The following SHANK2 variants were observed in gnomAD, a reference collection of about 807,000 sequenced individuals.
SHANK2 encodes the protein SH3 and multiple ankyrin repeat domains protein 2.
A neutral mutation model predicts 133.7 loss-of-function variants in SHANK2; 43 were observed. The ratio of observed to expected loss-of-function variants is 0.32; its 90% CI spans 0.25 to 0.41. The LOEUF is 0.41. Ranked by LOEUF, SHANK2 falls within the 10% of genes least tolerant of loss-of-function variation. SHANK2 has a pLI of 1.00. For missense variants in SHANK2, 1,994 were observed against 2,235.8 expected (o/e 0.89, Z 2.18); for synonymous variants, 1,017 against 952.8 (o/e 1.07, Z -1.24).
intron 17 of SHANK2, among the ~76,000 whole-genome samples, chr11:70,623,478 C>T (rs551954390): frequency 9.2e-5 from 14 of 152,306 alleles, no homozygotes; most frequent in East Asian, 1.9e-4. Flanking sequence ...CCGAAGGCTG[C>T]GCCCCCACAG....
At chr11:70,876,233 CACACATATAG>C (rs1274947870) in intron 11 of SHANK2, among the ~76,000 whole-genome samples, 4 of 4,248 alleles carry the variant, frequency 9.4e-4, no homozygotes, top group Non-Finnish European at 4.4e-3. Context: ...AATACACACA[CACACATATAG>C]ACACACACAC....
At chr11:70,899,312 C>T in intron 10 of SHANK2, among the ~76,000 whole-genome samples, 1 of 152,108 alleles carries the variant, frequency 6.6e-6, no homozygotes, top group Non-Finnish European at 1.5e-5. Flanking sequence ...TGGCATTTCC[C>T]CTGCTGACAC....
At chr11:71,108,797 TACC>T (rs1951841029) in intron 6 of SHANK2, among the ~76,000 whole-genome samples, 1 of 152,140 alleles carries the variant, frequency 6.6e-6, no homozygotes, top group African/African-American at 2.4e-5. Flanking sequence ...GCATCAAAGC[TACC>T]AGCAGCCACA....
intron 17 of SHANK2, among the ~76,000 whole-genome samples, chr11:70,581,901 C>A (rs2060189856): frequency 6.6e-6 from 1 of 152,218 alleles, no homozygotes; most frequent in Non-Finnish European, 1.5e-5. Context: ...ATTTAATGTC[C>A]TGTAGAGCAA....
At chr11:70,494,865 A>C (rs947987502) in intron 21 of SHANK2, among the ~76,000 whole-genome samples, 1 of 152,150 alleles carries the variant, frequency 6.6e-6, no homozygotes, top group African/African-American at 2.4e-5. Context: ...CCAGGCCTGC[A>C]GGCTCACTGG....
chr11:70,747,586 G>A (rs142967384), intron 14 of SHANK2, among the ~76,000 whole-genome samples: 4 of 152,236 alleles, frequency 2.6e-5, no homozygotes, highest in Non-Finnish European at 5.9e-5. Flanking sequence ...CCAGGCTTGC[G>A]TTGGAGATAG....
chr11:71,104,142 C>G (rs1045869722), intron 6 of SHANK2, among the ~76,000 whole-genome samples: 1 of 152,104 alleles, frequency 6.6e-6, no homozygotes, highest in African/African-American at 2.4e-5. Context: ...CTAATAGCAC[C>G]ACAACGCTCA....
At chr11:71,140,040 T>C (rs1252327839) in intron 3 of SHANK2, among the ~76,000 whole-genome samples, 2 of 152,212 alleles carry the variant, frequency 1.3e-5, no homozygotes, top group Non-Finnish European at 2.9e-5. Flanking sequence ...CGGCAGCTCC[T>C]GGCTGGCTCC....
At chr11:71,180,193 T>G (rs1315866506) in intron 2 of SHANK2, among the ~76,000 whole-genome samples, 1 of 152,236 alleles carries the variant, frequency 6.6e-6, no homozygotes, top group African/African-American at 2.4e-5. Flanking sequence ...GGCATCCTTA[T>G]TCCAGGTGTA....
intron 14 of SHANK2, among the ~76,000 whole-genome samples, chr11:70,727,574 C>T (rs543852526): frequency 3.5e-4 from 54 of 152,306 alleles, no homozygotes; most frequent in Middle Eastern, 3.4e-3. Flanking sequence ...TTGTAGCTTA[C>T]GCTCTAAGCT....
chr11:70,888,652 A>G (rs1949784955), intron 11 of SHANK2, among the ~76,000 whole-genome samples: 1 of 152,032 alleles, frequency 6.6e-6, no homozygotes, highest in African/African-American at 2.4e-5. Context: ...CCCCATCTCT[A>G]CTAAAAATAC....
chr11:71,216,083 G>C (rs544065534), intron 2 of SHANK2, among the ~76,000 whole-genome samples: 1 of 152,132 alleles, frequency 6.6e-6, no homozygotes, highest in South Asian at 2.1e-4. Flanking sequence ...TCCACTGAGG[G>C]ACACACGACT....
At chr11:70,695,085 C>T (rs782763926) in intron 15 of SHANK2, among the ~76,000 whole-genome samples, 2 of 152,158 alleles carry the variant, frequency 1.3e-5, no homozygotes, top group African/African-American at 4.8e-5. Context: ...CAGGATTCCA[C>T]TCATCTGAGG....
intron 14 of SHANK2, among the ~76,000 whole-genome samples, chr11:70,721,779 T>C (rs782458126): frequency 4.6e-5 from 7 of 152,262 alleles, no homozygotes; most frequent in Non-Finnish European, 8.8e-5. Flanking sequence ...TGTCTTTTCC[T>C]AACCATCTGA....
At chr11:70,884,393 T>A (rs1352821330) in intron 11 of SHANK2, among the ~76,000 whole-genome samples, 2 of 152,230 alleles carry the variant, frequency 1.3e-5, no homozygotes, top group Non-Finnish European at 2.9e-5. Flanking sequence ...CACACAAATC[T>A]GCACAGCTTT....
At chr11:70,663,723 T>G (rs782064025) in intron 15 of SHANK2, among the ~76,000 whole-genome samples, 1 of 152,066 alleles carries the variant, frequency 6.6e-6, no homozygotes, top group Non-Finnish European at 1.5e-5. Flanking sequence ...GGAGGTCCAC[T>G]CTGGGGAACT....
At chr11:70,867,526 G>A (rs1453928659) in intron 11 of SHANK2, among the ~76,000 whole-genome samples, 10 of 152,232 alleles carry the variant, frequency 6.6e-5, no homozygotes, top group Admixed American at 5.9e-4. Flanking sequence ...CCTGAGCCAG[G>A]GATGCCTTCA....
At chr11:70,776,183 T>A (rs929715108) in intron 14 of SHANK2, among the ~76,000 whole-genome samples, 1 of 152,192 alleles carries the variant, frequency 6.6e-6, no homozygotes, top group Non-Finnish European at 1.5e-5. Context: ...TCCTTCCACC[T>A]TTTCAGGGCA....
intron 2 of SHANK2, among the ~76,000 whole-genome samples, chr11:71,162,297 T>C (rs1340884266): frequency 6.6e-6 from 1 of 152,214 alleles, no homozygotes; most frequent in African/African-American, 2.4e-5. Context: ...GGGCATCACA[T>C]GGTGAGAGGG....
Sources: gnomAD v4.1 joint callset for allele counts (sites outside exome capture counted in the v4.1 genomes callset) on GRCh38, gnomAD v4.1.1 for gene constraint, MANE v1.5 for transcripts, NCBI Gene and HGNC (gene_info 2026-07-23, HGNC 2026-07-21) for gene names.